Variants in VPS13B observed in about 807,000 individuals in gnomAD.
VPS13B encodes the protein vacuolar protein sorting 13 homolog B, also known as intermembrane lipid transfer protein VPS13B.
Under a neutral mutation model 426.4 loss-of-function variants are expected in VPS13B, and 285 were observed. That is an observed-to-expected ratio of 0.67 (90% CI 0.61 to 0.74). The LOEUF (loss-of-function observed/expected upper bound fraction) is 0.74. Ranked by LOEUF, VPS13B falls within the 30% of genes least tolerant of loss-of-function variation. The pLI is 0.00. For missense variants in VPS13B, 4,537 were observed against 4,782.6 expected (o/e 0.95, Z 1.51); for synonymous variants, 1,676 against 1,676.4 (o/e 1.00, Z 0.01).
At position 99,038,484 on chromosome 8, in the gene VPS13B, C is replaced by T; in HGVS notation, c.209C>T (p.Pro70Leu). Residue 70 changes from proline (P) to leucine (L), a missense_variant, in exon 3 of 62, where the codon CCA (proline) becomes CTA (leucine). By Grantham distance (98) the Pro-to-Leu change is moderately conservative (BLOSUM62 -3). Coordinates refer to ENST00000357162, the MANE Select transcript of VPS13B (RefSeq NM_152564.5). ...GHIHELRIHV[P>L]WTKLGSEPVV... is the part of the protein sequence containing the mutation. ...ATTCATGAATTGAGGATTCATGTAC[C>T]ATGGACAAAACTGGGTTCAGAACCA... 6.2e-7 allele frequency: 1 copy of T among 1,612,018 alleles called. No individual in the cohort carries two copies. Among genetic ancestry groups the T allele is most frequent in the East Asian group, 2.2e-5 (1 of 44,688 alleles).
intron 24 of VPS13B, among the ~76,000 whole-genome samples, chr8:99,475,307 A>G (rs913545854): frequency 6.6e-6 from 1 of 152,162 alleles, no homozygotes; most frequent in African/African-American, 2.4e-5. Context: ...GTCATAGTTT[A>G]TACTTAGTGG....
At chr8:99,164,464 A>C (rs922690663) in intron 15 of VPS13B, among the ~76,000 whole-genome samples, 1 of 152,192 alleles carries the variant, frequency 6.6e-6, no homozygotes, top group African/African-American at 2.4e-5. Flanking sequence ...CTTTCTCAGC[A>C]GTGAGGAGGT....
chr8:99,519,408 T>A (rs539801566), intron 29 of VPS13B, among the ~76,000 whole-genome samples: 8 of 152,256 alleles, frequency 5.3e-5, no homozygotes, highest in African/African-American at 1.9e-4. Context: ...TCCTCAGGGA[T>A]CTAGAACTAG....
chr8:99,695,028 C>G (rs1831893964), intron 35 of VPS13B, among the ~76,000 whole-genome samples: 1 of 146,924 alleles, frequency 6.8e-6, no homozygotes, highest in Non-Finnish European at 1.5e-5. Context: ...GAATGGCAAT[C>G]ATTAAAAAGT....
chr8:99,744,976 A>G (rs181507962), intron 39 of VPS13B, among the ~76,000 whole-genome samples: 1 of 152,134 alleles, frequency 6.6e-6, no homozygotes, highest in African/African-American at 2.4e-5. Context: ...ATAATAAAAA[A>G]AAAAGAACCT....
At chr8:99,841,545 G>A (rs1212409438) in intron 54 of VPS13B, among the ~76,000 whole-genome samples, 1 of 152,152 alleles carries the variant, frequency 6.6e-6, no homozygotes, top group African/African-American at 2.4e-5. Context: ...ATAGTCATTA[G>A]TCCCTGTCAC....
intron 55 of VPS13B, 33 bp from the exon 56 acceptor site, chr8:99,853,418 G>A (rs748083144): frequency 3.7e-6 from 6 of 1,601,980 alleles, no homozygotes; most frequent in Admixed American, 1.7e-5. Context: ...AGGTGAGTGG[G>A]GGGACTAATG....
chr8:99,670,773 T>C (rs1028490061), intron 35 of VPS13B, among the ~76,000 whole-genome samples: 6 of 152,172 alleles, frequency 3.9e-5, no homozygotes, highest in African/African-American at 1.4e-4. Flanking sequence ...TTTAGCATAA[T>C]ATCTTCAAGT....
At chr8:99,272,893 A>G (rs1818672587) in intron 17 of VPS13B, among the ~76,000 whole-genome samples, 1 of 152,160 alleles carries the variant, frequency 6.6e-6, no homozygotes, top group African/African-American at 2.4e-5. Context: ...CAAAATCTGA[A>G]ATGTTCTAAA....
chr8:99,110,390 A>G (rs190202089), intron 5 of VPS13B, among the ~76,000 whole-genome samples: 3 of 152,058 alleles, frequency 2.0e-5, no homozygotes, highest in Admixed American at 1.3e-4. Flanking sequence ...TTTACCATCA[A>G]TTGTTTTATT....
intron 5 of VPS13B, among the ~76,000 whole-genome samples, chr8:99,108,404 T>C (rs905544664): frequency 2.0e-5 from 3 of 152,196 alleles, no homozygotes; most frequent in Admixed American, 6.5e-5. Context: ...CCTAGACCAA[T>C]GTCAGGTCTT....
chr8:99,205,787 C>T (rs549214373), intron 17 of VPS13B, among the ~76,000 whole-genome samples: 10 of 152,166 alleles, frequency 6.6e-5, no homozygotes, highest in African/African-American at 1.2e-4. Context: ...AATATCATCC[C>T]GCAGCTATTC....
intron 17 of VPS13B, 76 bp downstream of exon 17, chr8:99,193,133 A>C: frequency 1.4e-6 from 2 of 1,430,584 alleles, no homozygotes; most frequent in Non-Finnish European, 1.9e-6. Context: ...ATGAAAATCC[A>C]TATGTCTAGC....
intron 29 of VPS13B, among the ~76,000 whole-genome samples, chr8:99,512,884 C>T (rs1821867291): frequency 6.6e-6 from 1 of 151,960 alleles, no homozygotes; most frequent in African/African-American, 2.4e-5. Flanking sequence ...TGGCACGTGC[C>T]TGTAATCCCA....
chr8:99,672,849 C>T (rs971709674), intron 35 of VPS13B, among the ~76,000 whole-genome samples: 17 of 151,840 alleles, frequency 1.1e-4, no homozygotes, highest in African/African-American at 3.6e-4. Context: ...GTTCTTATCA[C>T]GAAGGGATTT....
intron 2 of VPS13B, among the ~76,000 whole-genome samples, chr8:99,020,113 A>G (rs1841812463): frequency 6.6e-6 from 1 of 151,498 alleles, no homozygotes; most frequent in African/African-American, 2.4e-5. Context: ...AAAGGTTCGA[A>G]GTGCTCCGTA....
intron 58 of VPS13B, among the ~76,000 whole-genome samples, chr8:99,865,492 C>T (rs1001332482): frequency 4.6e-5 from 7 of 152,224 alleles, no homozygotes; most frequent in Non-Finnish European, 1.0e-4. Context: ...CAGGCCTCCG[C>T]CAGGTGAAAT....
chr8:99,737,107 T>C (rs1038014424), intron 39 of VPS13B, among the ~76,000 whole-genome samples: 14 of 46,218 alleles, frequency 3.0e-4, no homozygotes, highest in African/African-American at 1.9e-3. Flanking sequence ...GATGTCCTTC[T>C]TTTTTTTTTT....
chr8:99,695,752 C>T (rs1221651506), intron 35 of VPS13B, among the ~76,000 whole-genome samples: 1 of 151,248 alleles, frequency 6.6e-6, no homozygotes, highest in East Asian at 1.9e-4. Context: ...ATACAGTGTC[C>T]CCACATGAAG....
Sources: allele counts gnomAD v4.1 joint callset (sites outside exome capture counted in the v4.1 genomes callset), GRCh38; gene constraint gnomAD v4.1.1; transcripts MANE v1.5; gene names NCBI Gene and HGNC (gene_info 2026-07-23, HGNC 2026-07-21).